The following PCDHB11 variants were observed in gnomAD, a reference collection of about 807,000 sequenced individuals.
The protein encoded by PCDHB11 is protocadherin beta 11, also known as protocadherin beta-11.
For synonymous variants in PCDHB11, 522 were observed against 442.0 expected (o/e 1.18, Z -2.27); for missense variants, 1,151 against 1,003.4 (o/e 1.15, Z -1.99).
chr5:141,201,079 C>T lies in PCDHB11; in HGVS notation c.1305C>T (p.His435=), dbSNP rs782684042. ...DLGIPRLKTE[H]NTTVLVSDVN... The stretch of plus-strand genomic sequence containing the variant: ...GGATACCCAGGCTGAAAACCGAGCA[C>T]AACACAACTGTGTTGGTCTCTGACG... Residue 435 remains histidine (H), a synonymous_variant, in exon 1 of 1, where the codon CAC becomes CAT. Coordinates refer to ENST00000354757, the MANE Select transcript of PCDHB11 (RefSeq NM_018931.3). The T allele has an allele frequency of 1.2e-5, 19 of 1,614,114 alleles. No homozygotes were observed. The Middle Eastern group carries it at 8.2e-4, about 70-fold the overall frequency.
In PCDHB11 at chr5:141,201,540, T is replaced by C; in HGVS notation, c.1766T>C (p.Val589Ala). The change falls in exon 1 of 1, where the codon GTG (valine) becomes GCG (alanine). Residue 589 changes from valine (V) to alanine (A), a missense_variant. Physicochemically the swap from Val to Ala is moderately conservative, Grantham distance 64. Transcript: ENST00000354757. Reference sequence around the variant, plus strand: ...GAGCCGGGCTACCTGGTGACCAAGGTGGTGGCGGTGGACGGCGACTCGGGC... The same window carrying C: ...GAGCCGGGCTACCTGGTGACCAAGGCGGTGGCGGTGGACGGCGACTCGGGC... ...AAEPGYLVTK[V>A]VAVDGDSGQN... 5 of 1,608,962 alleles carry C rather than the reference T, an allele frequency of 3.1e-6. No homozygotes were observed. Among genetic ancestry groups the C allele is most frequent in the Non-Finnish European group, 4.2e-6 (5 of 1,179,132 alleles).
rs1754162568 is a variant in PCDHB11 at position 141,200,930 on chromosome 5, C to T, written c.1156C>T (p.Pro386Ser). ...GDNGRIVCSI[P>S]EDLPFVLKSS... ...CAACGGAAGAATTGTTTGTTCCATT[C>T]CGGAAGACCTCCCATTCGTGCTAAA... The change falls in exon 1 of 1, where the codon CCG becomes TCG. Residue 386 changes from proline (P) to serine (S), a missense_variant. Coordinates refer to ENST00000354757, the MANE Select transcript of PCDHB11 (RefSeq NM_018931.3). 1 of 1,614,180 alleles carries T rather than the reference C, an allele frequency of 6.2e-7. No individual in the cohort carries two copies. Among genetic ancestry groups the T allele is most frequent in the South Asian group, 1.1e-5 (1 of 91,084 alleles).
chr5:141,200,903 G>C lies in PCDHB11; in HGVS notation c.1129G>C (p.Asp377His), dbSNP rs1316227794. 1.9e-6 allele frequency: 3 copies of C among 1,614,074 alleles called. No individual in the cohort carries two copies. Among genetic ancestry groups the C allele is most frequent in the Non-Finnish European group, 1.7e-6 (2 of 1,180,050 alleles). Residue 377 changes from aspartate to histidine, a missense_variant, in exon 1 of 1, where the codon GAC becomes CAC. Transcript: ENST00000354757. Reference sequence around the variant, plus strand: ...TAGTATCCAAGATATAGACTCTGGGGACAACGGAAGAATTGTTTGTTCCAT... The same window carrying C: ...TAGTATCCAAGATATAGACTCTGGGCACAACGGAAGAATTGTTTGTTCCAT... ...VFSIQDIDSG[D>H]NGRIVCSIPE... is the part of the protein sequence containing the mutation.
At position 141,199,677 on chromosome 5, in the gene PCDHB11, G is replaced by T; in HGVS notation, c.-98G>T. On this transcript the variant is annotated 5_prime_UTR_variant, in exon 1 of 1. Coordinates refer to ENST00000354757, the MANE Select transcript of PCDHB11 (RefSeq NM_018931.3). Reference sequence around the variant, plus strand: ...GGGTGACCTGGAAACCATTCAACAGGGTTAAAATCCTTAGACCACAGAGGA... The same window carrying T: ...GGGTGACCTGGAAACCATTCAACAGTGTTAAAATCCTTAGACCACAGAGGA... The T allele has an allele frequency of 1.9e-6, 2 of 1,069,260 alleles. No individual in the cohort carries two copies. The highest frequency in any genetic ancestry group is 1.6e-5 in the South Asian group (1 of 61,428). 66.2% of individuals were successfully genotyped at this position (1,069,260 alleles called of 1,614,324 possible). A position where few individuals can be genotyped will look rare whatever the true frequency, so the allele number is the denominator to read the frequency against.
At position 141,201,906 on chromosome 5, in the gene PCDHB11, T is replaced by G. The variant is rs2149674870; in HGVS notation, c.2132T>G (p.Val711Gly). Residue 711 changes from valine (V) to glycine (G), a missense_variant, in exon 1 of 1, where the codon GTG becomes GGG. Transcript: ENST00000354757. ...TTCTCGGTGCTCCTGTTCGTGGCGG[T>G]GCGGCTGTGCAGGAGGAGCAGGGCG... Reference protein sequence around the residue: ...FLFSVLLFVAVRLCRRSRAAS... With the variant: ...FLFSVLLFVAGRLCRRSRAAS... 6.2e-7 allele frequency: 1 copy of G among 1,612,562 alleles called. No homozygotes were observed. The highest frequency in any genetic ancestry group is 1.1e-5 in the South Asian group (1 of 91,006).
chr5:141,203,443 C>T lies in PCDHB11; in HGVS notation c.*1275C>T, dbSNP rs1303038982. 13 of 152,210 alleles carry T rather than the reference C, an allele frequency of 8.5e-5. No homozygotes were observed. Among genetic ancestry groups the T allele is most frequent in the African/African-American group, 3.1e-4 (13 of 41,454 alleles). The allele number at this position is 152,210 out of a possible 1,614,324, so 9.4% of individuals were successfully genotyped here. ...AACCACCTGTGTATTGTAGTTTCTT[C>T]ATGGGAGAAGTCATATCTGCCCTTC... is the stretch of plus-strand genomic sequence containing the variant. On this transcript the variant is annotated 3_prime_UTR_variant, in exon 1 of 1. Coordinates refer to ENST00000354757, the MANE Select transcript of PCDHB11 (RefSeq NM_018931.3).
chr5:141,201,006 G>T lies in PCDHB11; in HGVS notation c.1232G>T (p.Arg411Ile). The stretch of plus-strand genomic sequence containing the variant: ...TTGGAAACAGAGAGACCACTGGACA[G>T]AGAGAGCACAGCCGAGTACAATATC... The part of the protein sequence containing the change: ...YTLETERPLD[R>I]ESTAEYNITI... Residue 411 changes from arginine to isoleucine, a missense_variant, in exon 1 of 1, where the codon AGA (arginine) becomes ATA (isoleucine). Physicochemically the swap from Arg to Ile is moderately conservative, Grantham distance 97 (BLOSUM62 -3). Transcript: ENST00000354757. 1 of 1,614,220 alleles carries T rather than the reference G, an allele frequency of 6.2e-7. No homozygotes were observed. The highest frequency in any genetic ancestry group is 8.5e-7 in the Non-Finnish European group (1 of 1,180,046).
rs782219535 is a variant in PCDHB11, at chr5:141,201,408, CGCTGGTGCGCGT to C, written c.1643_1654del (p.Arg548_Val551del). On this transcript the variant is annotated inframe_deletion, in exon 1 of 1. Transcript: ENST00000354757. ...GGCTCCCCGGCTTTGAGCAGCGAGGCGCTGGTGCGCGTGCTGGTGCTGGACGCCAACGACAAC... is the reference window on the plus strand; with the variant it reads ...GGCTCCCCGGCTTTGAGCAGCGAGGCGCTGGTGCTGGACGCCAACGACAAC... 9.5e-5 allele frequency: 153 copies of C among 1,611,874 alleles called. No homozygotes were observed. Among genetic ancestry groups the C allele is most frequent in the Non-Finnish European group, 2.5e-5 (30 of 1,179,776 alleles).
Position 141,201,732 on chromosome 5 carries a change from C to T in PCDHB11, c.1958C>T (p.Ser653Leu), listed in dbSNP as rs1554285683. Residue 653 changes from serine (S) to leucine (L), a missense_variant, in exon 1 of 1, where the codon TCG (serine) becomes TTG (leucine). Physicochemically the swap from Ser to Leu is moderately radical, Grantham distance 145. Transcript: ENST00000354757. The part of the protein sequence containing the change: ...LVKDNGEPPR[S>L]ATATLQVLLV... ...AAGGACAATGGCGAGCCTCCGCGCT[C>T]GGCCACCGCCACGCTGCAAGTGCTC... The T allele has an allele frequency of 6.2e-7, 1 of 1,607,658 alleles. No individual in the cohort carries two copies. The highest frequency in any genetic ancestry group is 2.2e-5 in the East Asian group (1 of 44,872).
Position 141,199,692 on chromosome 5 carries a change from A to G in PCDHB11, c.-83A>G. ...CATTCAACAGGGTTAAAATCCTTAG[A>G]CCACAGAGGATTTGGTGGACAAGTC... On this transcript the variant is annotated 5_prime_UTR_variant, in exon 1 of 1. Transcript: ENST00000354757. 3 of 1,229,730 alleles carry G rather than the reference A, an allele frequency of 2.4e-6. No homozygotes were observed. The highest frequency in any genetic ancestry group is 3.4e-6 in the Non-Finnish European group (3 of 875,534). 76.2% of individuals were successfully genotyped at this position (1,229,730 alleles called of 1,614,324 possible).
Position 141,200,403 on chromosome 5 carries a change from T to G in PCDHB11, c.629T>G (p.Phe210Cys). 3 of 1,614,180 alleles carry G rather than the reference T, an allele frequency of 1.9e-6. No individual in the cohort carries two copies. Among genetic ancestry groups the G allele is most frequent in the Non-Finnish European group, 2.5e-6 (3 of 1,180,038 alleles). Residue 210 changes from phenylalanine to cysteine, a missense_variant, in exon 1 of 1, where the codon TTC becomes TGC. Physicochemically the swap from Phe to Cys is radical, Grantham distance 205. Transcript: ENST00000354757. ...LDYEELPELS[F>C]ILSALDGGSP... ...TATGAAGAGCTCCCGGAGCTCAGTT[T>G]CATCCTCTCTGCTCTGGATGGTGGG...
In PCDHB11 at chr5:141,202,714, G is replaced by C. The variant is rs553990587; in HGVS notation, c.*546G>C. The C allele has an allele frequency of 5.3e-5, 8 of 151,950 alleles. No homozygotes were observed. The East Asian group carries it at 1.6e-3, about 30-fold the overall frequency. The allele number at this position is 151,950 out of a possible 1,614,324, so 9.4% of individuals were successfully genotyped here. A position where few individuals can be genotyped will look rare whatever the true frequency, so the allele number is the denominator to read the frequency against. On this transcript the variant is annotated 3_prime_UTR_variant, in exon 1 of 1. Coordinates refer to ENST00000354757, the MANE Select transcript of PCDHB11 (RefSeq NM_018931.3). ...TGCAACCTCTGCCTCCTGGGCTCAA[G>C]AGACCAGCCCACCTCCGCCTCCAAG...
Position 141,201,813 on chromosome 5 carries a change from A to G in PCDHB11, c.2039A>G (p.Gln680Arg). Residue 680 changes from glutamine to arginine, a missense_variant, in exon 1 of 1, where the codon CAG becomes CGG. Physicochemically the swap from Gln to Arg is conservative, Grantham distance 43. Coordinates refer to ENST00000354757, the MANE Select transcript of PCDHB11 (RefSeq NM_018931.3). The stretch of plus-strand genomic sequence containing the variant: ...CCGCTCCCTGAGGCGGCACCGGCCC[A>G]GGCCCAGGCCGACTCGCTCACCGTC... The part of the protein sequence containing the change: ...YLPLPEAAPA[Q>R]AQADSLTVYL... The G allele has an allele frequency of 2.5e-6, 4 of 1,610,364 alleles. No homozygotes were observed. Among genetic ancestry groups the G allele is most frequent in the Non-Finnish European group, 3.4e-6 (4 of 1,179,776 alleles).
chr5:141,202,219 A>G lies in PCDHB11; in HGVS notation c.*51A>G. 7.0e-7 allele frequency: 1 copy of G among 1,420,912 alleles called. No homozygotes were observed. 88.0% of individuals were successfully genotyped at this position (1,420,912 alleles called of 1,614,324 possible). A position where few individuals can be genotyped will look rare whatever the true frequency, so the allele number is the denominator to read the frequency against. The stretch of plus-strand genomic sequence containing the variant: ...TACTTTTTTAGTTTTATGTAACCAT[A>G]TCAATATTATTTAGTCTTAAACTAG... On this transcript the variant is annotated 3_prime_UTR_variant, in exon 1 of 1. Transcript: ENST00000354757.
At position 141,200,438 on chromosome 5, in the gene PCDHB11, A is replaced by G. The variant is rs782213843; in HGVS notation, c.664A>G (p.Arg222Gly). The change falls in exon 1 of 1, where the codon AGG becomes GGG. Residue 222 changes from arginine to glycine, a missense_variant. Physicochemically the swap from Arg to Gly is moderately radical, Grantham distance 125. Coordinates refer to ENST00000354757, the MANE Select transcript of PCDHB11 (RefSeq NM_018931.3). ...TGCTCTGGATGGTGGGTCCCCTCCC[A>G]GGTCTGGAACTGCCTTGGTCAGGGT... ...LSALDGGSPP[R>G]SGTALVRVVV... 1.1e-5 allele frequency: 18 copies of G among 1,614,110 alleles called. No individual in the cohort carries two copies. Among genetic ancestry groups the G allele is most frequent in the Non-Finnish European group, 1.5e-5 (18 of 1,180,018 alleles).
In PCDHB11 at chr5:141,201,247, C is replaced by A; in HGVS notation, c.1473C>A (p.Leu491=). 1 of 1,612,274 alleles carries A rather than the reference C, an allele frequency of 6.2e-7. No homozygotes were observed. Among genetic ancestry groups the A allele is most frequent in the Non-Finnish European group, 8.5e-7 (1 of 1,179,732 alleles). ...GTNAQVNYSL[L]PPQDLHLPLA... ...ACGCCCAGGTCAACTACTCGCTACT[C>A]CCGCCCCAGGACCTGCACCTGCCCC... Residue 491 remains leucine (L), a synonymous_variant, in exon 1 of 1, where the codon CTC becomes CTA. Transcript: ENST00000354757.
chr5:141,202,049 T>A lies in PCDHB11; in HGVS notation c.2275T>A (p.Ser759Thr). ...GTACGAGGTGTGTCTGACGGGAGGT[T>A]CCGAGACAAATGAATTCAAGTTCCT... ...YQYEVCLTGGSETNEFKFLKP... is the reference protein window; with the variant it reads ...YQYEVCLTGGTETNEFKFLKP... Residue 759 changes from serine (S) to threonine (T), a missense_variant, in exon 1 of 1, where the codon TCC becomes ACC. Ser to Thr is a moderately conservative substitution (Grantham distance 58). Coordinates refer to ENST00000354757, the MANE Select transcript of PCDHB11 (RefSeq NM_018931.3). 2.5e-6 allele frequency: 4 copies of A among 1,614,142 alleles called. No individual in the cohort carries two copies. Among genetic ancestry groups the A allele is most frequent in the Non-Finnish European group, 3.4e-6 (4 of 1,180,016 alleles).
Position 141,200,798 on chromosome 5 carries a change from G to T in PCDHB11, c.1024G>T (p.Asp342Tyr). The T allele has an allele frequency of 1.9e-6, 3 of 1,614,164 alleles. No individual in the cohort carries two copies. Among genetic ancestry groups the T allele is most frequent in the Non-Finnish European group, 1.7e-6 (2 of 1,180,026 alleles). ...CATAATTCACGTGATAGATGTAAAT[G>T]ACAATGCTCCTGAAATCACTGTGTC... ...TVIIHVIDVNDNAPEITVSSI... is the reference protein window; with the variant it reads ...TVIIHVIDVNYNAPEITVSSI... The change falls in exon 1 of 1, where the codon GAC becomes TAC. Residue 342 changes from aspartate to tyrosine, a missense_variant. Coordinates refer to ENST00000354757, the MANE Select transcript of PCDHB11 (RefSeq NM_018931.3).
chr5:141,199,673 A>C lies in PCDHB11; in HGVS notation c.-102A>C. ...AAGAGGGTGACCTGGAAACCATTCA[A>C]CAGGGTTAAAATCCTTAGACCACAG... On this transcript the variant is annotated 5_prime_UTR_variant, in exon 1 of 1. Coordinates refer to ENST00000354757, the MANE Select transcript of PCDHB11 (RefSeq NM_018931.3). 9.7e-7 allele frequency: 1 copy of C among 1,025,782 alleles called. No individual in the cohort carries two copies. The highest frequency in any genetic ancestry group is 1.4e-6 in the Non-Finnish European group (1 of 706,264). The allele number at this position is 1,025,782 out of a possible 1,614,324, so 63.5% of individuals were successfully genotyped here. A position where few individuals can be genotyped will look rare whatever the true frequency, so the allele number is the denominator to read the frequency against.
Sources: gnomAD v4.1 joint callset for allele counts on GRCh38, gnomAD v4.1.1 for gene constraint, MANE v1.5 for transcripts, NCBI Gene and HGNC (gene_info 2026-07-23, HGNC 2026-07-21) for gene names.